The following CCDC166 variants were observed in gnomAD, a reference collection of about 807,000 sequenced individuals.
CCDC166 encodes the protein coiled-coil domain-containing protein 166.
CCDC166 carries 17 observed loss-of-function variants against 14.4 expected under a neutral mutation model. That is an observed-to-expected ratio of 1.18 (90% confidence interval 0.81 to 1.77). The LOEUF (loss-of-function observed/expected upper bound fraction) is 1.77. CCDC166 is among the 40% of genes most tolerant of loss of function. The pLI is 0.00. For missense variants in CCDC166, 738 were observed against 665.8 expected, an observed-to-expected ratio of 1.11 and a Z score of -1.19; for synonymous variants, 336 against 330.1, an observed-to-expected ratio of 1.02 and a Z score of -0.20.
chr8:143,707,196 C>A lies in CCDC166; in HGVS notation c.818G>T (p.Arg273Leu). The A allele has an allele frequency of 1.4e-6, 2 of 1,383,386 alleles. No individual in the cohort carries two copies. The highest frequency in any genetic ancestry group is 5.9e-5 in the East Asian group (2 of 34,032). 85.7% of individuals were successfully genotyped at this position (1,383,386 alleles called of 1,614,324 possible). A position where few individuals can be genotyped will look rare whatever the true frequency, so the allele number is the denominator to read the frequency against. ...GAGCGGCGGGCCTCCGGGGCCCCTG[C>A]GCAGCCAGCCGTGCACACGCGCCAG... ...RDLARVHGWL[R>L]RGPGGPPLWE... is the part of the protein sequence containing the mutation. Residue 273 changes from arginine to leucine, a missense_variant, in exon 2 of 2, where the codon CGC becomes CTC. Transcript: ENST00000542437. The surrounding 1 kb of genome is among the most constrained non-coding windows in gnomAD (Gnocchi z 8.0).
Position 143,707,504 on chromosome 8 carries a change from C to G in CCDC166, c.510G>C (p.Val170=), listed in dbSNP as rs1554616837. The change falls in exon 2 of 2, where the codon GTG becomes GTC. Residue 170 remains valine, a synonymous_variant. Coordinates refer to ENST00000542437, the MANE Select transcript of CCDC166 (RefSeq NM_001162914.1). This position sits in a 1 kb window ranked among gnomAD's most constrained non-coding sequence, Gnocchi z 8.0. ...CGCGGTGGAGCAGCTGCGTGTGCTC[C>G]ACGCGCATATGCAGCAGCTCGCGCT... ...ALERELLHMR[V]EHTQLLHRVK... is the part of the protein sequence containing the mutation. 2 of 1,440,722 alleles carry G rather than the reference C, an allele frequency of 1.4e-6. No individual in the cohort carries two copies. Among genetic ancestry groups the G allele is most frequent in the Admixed American group, 6.1e-5 (2 of 32,616 alleles). 89.2% of individuals were successfully genotyped at this position (1,440,722 alleles called of 1,614,324 possible). A position where few individuals can be genotyped will look rare whatever the true frequency, so the allele number is the denominator to read the frequency against.
At position 143,706,791 on chromosome 8, in the gene CCDC166, C is replaced by G. The variant is rs564768561; in HGVS notation, c.1223G>C (p.Gly408Ala). ...AGCCGGATCCCGATCCCGGGACAGG[C>G]CAGAGAGAAGCTTGGGGCCAGACTT... ...STKSGPKLLS[G>A]LSRDRDPALL... The change falls in exon 2 of 2, where the codon GGC becomes GCC. Residue 408 changes from glycine to alanine, a missense_variant. Coordinates refer to ENST00000542437, the MANE Select transcript of CCDC166 (RefSeq NM_001162914.1). The G allele has an allele frequency of 1.3e-6, 2 of 1,551,080 alleles. No homozygotes were observed. Among genetic ancestry groups the G allele is most frequent in the African/African-American group, 2.7e-5 (2 of 73,176 alleles).
At position 143,706,825 on chromosome 8, in the gene CCDC166, G is replaced by T; in HGVS notation, c.1189C>A (p.Arg397Ser). The T allele has an allele frequency of 6.4e-7, 1 of 1,551,112 alleles. No individual in the cohort carries two copies. Among genetic ancestry groups the T allele is most frequent in the African/African-American group, 1.4e-5 (1 of 73,182 alleles). The change falls in exon 2 of 2, where the codon CGC becomes AGC. Residue 397 changes from arginine to serine, a missense_variant. Transcript: ENST00000542437. ...SPRVSSQDTLRSTKSGPKLLS... is the reference protein window; with the variant it reads ...SPRVSSQDTLSSTKSGPKLLS... ...AGCTTGGGGCCAGACTTCGTGGAGC[G>T]GAGAGTGTCCTGTGAGGACACCCTC...
Position 143,707,528 on chromosome 8 carries a change from CTCCAGCGCCCGGA to C in CCDC166, c.473_485del (p.Ile158SerfsTer18). The C allele has an allele frequency of 2.2e-6, 3 of 1,373,508 alleles. No homozygotes were observed. The highest frequency in any genetic ancestry group is 2.8e-6 in the Non-Finnish European group (3 of 1,067,296). 85.1% of individuals were successfully genotyped at this position (1,373,508 alleles called of 1,614,324 possible). A position where few individuals can be genotyped will look rare whatever the true frequency, so the allele number is the denominator to read the frequency against. On this transcript the variant is annotated frameshift_variant, in exon 2 of 2. Transcript: ENST00000542437. LOFTEE classifies it low-confidence loss of function (END_TRUNC). The surrounding 1 kb of genome is among the most constrained non-coding windows in gnomAD (Gnocchi z 8.0). The stretch of plus-strand genomic sequence containing the variant: ...CCACGCGCATATGCAGCAGCTCGCG[CTCCAGCGCCCGGA>C]TCCGGGCCAGCTGCTCCAGCTGCAG...
At position 143,707,030 on chromosome 8, in the gene CCDC166, C is replaced by A. The variant is rs1554616679; in HGVS notation, c.984G>T (p.Ser328=). The change falls in exon 2 of 2, where the codon TCG becomes TCT. Residue 328 remains serine, a synonymous_variant. Transcript: ENST00000542437. This position sits in a 1 kb window ranked among gnomAD's most constrained non-coding sequence, Gnocchi z 8.0. ...ACGAGGGGACCCGGGAAGCCTCGCG[C>A]GACGGGACCACGGACGAGGCCCGGG... ...AAPRASSVVP[S]REASRVPSLV... is the part of the protein sequence containing the mutation. 2.0e-6 allele frequency: 3 copies of A among 1,535,848 alleles called. No homozygotes were observed. The highest frequency in any genetic ancestry group is 1.2e-5 in the South Asian group (1 of 84,038).
rs377706128 is a variant in CCDC166 at position 143,706,808 on chromosome 8, G to T, written c.1206C>A (p.Gly402=). ...GGGACAGGCCAGAGAGAAGCTTGGG[G>T]CCAGACTTCGTGGAGCGGAGAGTGT... ...SQDTLRSTKS[G]PKLLSGLSRD... The change falls in exon 2 of 2, where the codon GGC becomes GGA. Residue 402 remains glycine (G), a synonymous_variant. Transcript: ENST00000542437. 6.4e-7 allele frequency: 1 copy of T among 1,551,058 alleles called. No homozygotes were observed. Among genetic ancestry groups the T allele is most frequent in the African/African-American group, 1.4e-5 (1 of 73,070 alleles).
Position 143,707,960 on chromosome 8 carries a change from C to T in CCDC166, c.150G>A (p.Glu50=). The change falls in exon 1 of 2, where the codon GAG becomes GAA. Residue 50 remains glutamate, a synonymous_variant. Coordinates refer to ENST00000542437, the MANE Select transcript of CCDC166 (RefSeq NM_001162914.1). This position sits in a 1 kb window ranked among gnomAD's most constrained non-coding sequence, Gnocchi z 8.0. ...TCTCTCGCAGCACCTGGTCAACGCT[C>T]TCCTCGCAGGTGTCCAGCTGCTCCG... ...LLSEQLDTCE[E]SVDQVLRENA... The T allele has an allele frequency of 1.3e-6, 2 of 1,537,036 alleles. No homozygotes were observed. The highest frequency in any genetic ancestry group is 1.7e-6 in the Non-Finnish European group (2 of 1,146,604).
Position 143,707,457 on chromosome 8 carries a change from T to C in CCDC166, c.557A>G (p.Asp186Gly). 6.8e-7 allele frequency: 1 copy of C among 1,476,642 alleles called. No homozygotes were observed. The highest frequency in any genetic ancestry group is 8.9e-7 in the Non-Finnish European group (1 of 1,121,614). The allele number at this position is 1,476,642 out of a possible 1,614,324, so 91.5% of individuals were successfully genotyped here. A position where few individuals can be genotyped will look rare whatever the true frequency, so the allele number is the denominator to read the frequency against. Residue 186 changes from aspartate (D) to glycine (G), a missense_variant, in exon 2 of 2, where the codon GAC becomes GGC. Coordinates refer to ENST00000542437, the MANE Select transcript of CCDC166 (RefSeq NM_001162914.1). The surrounding 1 kb of genome is among the most constrained non-coding windows in gnomAD (Gnocchi z 8.0). ...LHRVKRRFLE[D>G]KAAFEREARQ... is the part of the protein sequence containing the mutation. ...CGCCTCGCGCTCGAAGGCCGCCTTG[T>C]CCTCCAGGAAGCGCCGCTTCACGCG...
Position 143,707,363 on chromosome 8 carries a change from C to T in CCDC166, c.651G>A (p.Thr217=), listed in dbSNP as rs2131557474. The T allele has an allele frequency of 2.1e-6, 3 of 1,405,248 alleles. No homozygotes were observed. Among genetic ancestry groups the T allele is most frequent in the East Asian group, 3.0e-5 (1 of 33,210 alleles). 87.0% of individuals were successfully genotyped at this position (1,405,248 alleles called of 1,614,324 possible). Residue 217 remains threonine, a synonymous_variant, in exon 2 of 2, where the codon ACG becomes ACA. Transcript: ENST00000542437. The surrounding 1 kb of genome is among the most constrained non-coding windows in gnomAD (Gnocchi z 8.0). ...REAVRALVAH[T]QAIKADNGRL... is the part of the protein sequence containing the mutation. ...GTCCGTTGTCCGCTTTGATGGCCTG[C>T]GTGTGCGCCACAAGCGCGCGCACCG... is the stretch of plus-strand genomic sequence containing the variant.
At position 143,708,074 on chromosome 8, in the gene CCDC166, C is replaced by T. The variant is rs1475682813; in HGVS notation, c.36G>A (p.Gly12=). Residue 12 remains glycine, a synonymous_variant, in exon 1 of 2, where the codon GGG becomes GGA. Coordinates refer to ENST00000542437, the MANE Select transcript of CCDC166 (RefSeq NM_001162914.1). The part of the protein sequence containing the change: ...APKKKRGPSA[G]SQPGGAAAAG... ...CGGCCGCCGCACCACCTGGCTGGCTCCCTGCGCTCGGCCCGCGCTTTTTCT... is the reference window on the plus strand; with the variant it reads ...CGGCCGCCGCACCACCTGGCTGGCTTCCTGCGCTCGGCCCGCGCTTTTTCT... 3.4e-6 allele frequency: 5 copies of T among 1,454,990 alleles called. No individual in the cohort carries two copies. The African/African-American group carries it at 4.3e-5, about 12-fold the overall frequency. The allele number at this position is 1,454,990 out of a possible 1,614,324, so 90.1% of individuals were successfully genotyped here. A position where few individuals can be genotyped will look rare whatever the true frequency, so the allele number is the denominator to read the frequency against.
rs1817541665 is a variant in CCDC166 at position 143,706,929 on chromosome 8, G to A, written c.1085C>T (p.Thr362Ile). Reference sequence around the variant, plus strand: ...GGCCCGGGAGCCTGCGCGCGAAGCGGTCAGGGATGGCATCCGGGATCCCAC... The same window carrying A: ...GGCCCGGGAGCCTGCGCGCGAAGCGATCAGGGATGGCATCCGGGATCCCAC... ...SKVGSRMPSL[T>I]ASRAGSRALS... Residue 362 changes from threonine (T) to isoleucine (I), a missense_variant, in exon 2 of 2, where the codon ACC becomes ATC. Physicochemically the swap from Thr to Ile is moderately conservative, Grantham distance 89. Transcript: ENST00000542437. 2.6e-6 allele frequency: 4 copies of A among 1,548,948 alleles called. No individual in the cohort carries two copies. The highest frequency in any genetic ancestry group is 3.5e-6 in the Non-Finnish European group (4 of 1,146,890).
Position 143,707,095 on chromosome 8 carries a change from CCG to C in CCDC166, c.917_918del (p.Ala306GlyfsTer123), listed in dbSNP as rs1181519092. On this transcript the variant is annotated frameshift_variant, in exon 2 of 2. Coordinates refer to ENST00000542437, the MANE Select transcript of CCDC166 (RefSeq NM_001162914.1). LOFTEE classifies it low-confidence loss of function (END_TRUNC). The surrounding 1 kb of genome is among the most constrained non-coding windows in gnomAD (Gnocchi z 8.0). Reference sequence around the variant, plus strand: ...GGTACCACAGACGGGGTCTGGGAGGCCGCGCGCGACGGGCTTATGGGGGCGGC... The same window carrying C: ...GGTACCACAGACGGGGTCTGGGAGGCCGCGCGACGGGCTTATGGGGGCGGC... ...SLAAPISPSR[A>X]ASQTPSVVPS... 5.3e-6 allele frequency: 8 copies of C among 1,520,770 alleles called. No homozygotes were observed. Among genetic ancestry groups the C allele is most frequent in the Non-Finnish European group, 7.0e-6 (8 of 1,140,904 alleles). The allele number at this position is 1,520,770 out of a possible 1,614,324, so 94.2% of individuals were successfully genotyped here.
chr8:143,707,679 A>C lies in CCDC166; in HGVS notation c.431T>G (p.Leu144Arg). Residue 144 changes from leucine to arginine, a missense_variant, in exon 1 of 2, where the codon CTG becomes CGG. Transcript: ENST00000542437. The surrounding 1 kb of genome is among the most constrained non-coding windows in gnomAD (Gnocchi z 8.0). ...AAQMAQQVQE[L>R]QPYKVLQLEQ... ...GGGCTCACTGGCCTTGTAGGGCTGC[A>C]GCTCTTGCACCTGCTGTGCCATCTG... 1 of 1,452,190 alleles carries C rather than the reference A, an allele frequency of 6.9e-7. No homozygotes were observed. Among genetic ancestry groups the C allele is most frequent in the Non-Finnish European group, 9.1e-7 (1 of 1,104,188 alleles). The allele number at this position is 1,452,190 out of a possible 1,614,324, so 90.0% of individuals were successfully genotyped here. A position where few individuals can be genotyped will look rare whatever the true frequency, so the allele number is the denominator to read the frequency against.
Position 143,706,820 on chromosome 8 carries a change from G to A in CCDC166, c.1194C>T (p.Ser398=). 2 of 1,551,136 alleles carry A rather than the reference G, an allele frequency of 1.3e-6. No individual in the cohort carries two copies. The highest frequency in any genetic ancestry group is 1.7e-6 in the Non-Finnish European group (2 of 1,146,972). Residue 398 remains serine (S), a synonymous_variant, in exon 2 of 2, where the codon TCC becomes TCT. Transcript: ENST00000542437. ...PRVSSQDTLR[S]TKSGPKLLSG... is the part of the protein sequence containing the mutation. Reference sequence around the variant, plus strand: ...AGAGAAGCTTGGGGCCAGACTTCGTGGAGCGGAGAGTGTCCTGTGAGGACA... The same window carrying A: ...AGAGAAGCTTGGGGCCAGACTTCGTAGAGCGGAGAGTGTCCTGTGAGGACA...
chr8:143,707,354 G>C lies in CCDC166; in HGVS notation c.660C>G (p.Ile220Met). ...GCCGCAGGCGTCCGTTGTCCGCTTT[G>C]ATGGCCTGCGTGTGCGCCACAAGCG... ...VRALVAHTQA[I>M]KADNGRLRQE... Residue 220 changes from isoleucine to methionine, a missense_variant, in exon 2 of 2, where the codon ATC becomes ATG. Ile to Met is a conservative substitution (Grantham distance 10). Coordinates refer to ENST00000542437, the MANE Select transcript of CCDC166 (RefSeq NM_001162914.1). This position sits in a 1 kb window ranked among gnomAD's most constrained non-coding sequence, Gnocchi z 8.0. 2.8e-6 allele frequency: 4 copies of C among 1,406,016 alleles called. No homozygotes were observed. The highest frequency in any genetic ancestry group is 3.7e-6 in the Non-Finnish European group (4 of 1,085,474). The allele number at this position is 1,406,016 out of a possible 1,614,324, so 87.1% of individuals were successfully genotyped here. A position where few individuals can be genotyped will look rare whatever the true frequency, so the allele number is the denominator to read the frequency against.
chr8:143,708,002 G>T lies in CCDC166; in HGVS notation c.108C>A (p.Arg36=). 2.0e-6 allele frequency: 3 copies of T among 1,526,794 alleles called. No homozygotes were observed. The highest frequency in any genetic ancestry group is 2.6e-6 in the Non-Finnish European group (3 of 1,139,778). 94.6% of individuals were successfully genotyped at this position (1,526,794 alleles called of 1,614,324 possible). The change falls in exon 1 of 2, where the codon CGC becomes CGA. Residue 36 remains arginine (R), a synonymous_variant. Coordinates refer to ENST00000542437, the MANE Select transcript of CCDC166 (RefSeq NM_001162914.1). ...GCTGCTCCGAGAGCAGCGCGTGTTCGCGTTGCAGGTACTGCGCGCGCTCCG... is the reference window on the plus strand; with the variant it reads ...GCTGCTCCGAGAGCAGCGCGTGTTCTCGTTGCAGGTACTGCGCGCGCTCCG... The part of the protein sequence containing the change: ...PLSERAQYLQ[R]EHALLSEQLD...
Position 143,707,066 on chromosome 8 carries a change from C to A in CCDC166, c.948G>T (p.Ser316=). 6.5e-7 allele frequency: 1 copy of A among 1,533,306 alleles called. No individual in the cohort carries two copies. The highest frequency in any genetic ancestry group is 8.7e-7 in the Non-Finnish European group (1 of 1,145,896). The allele number at this position is 1,533,306 out of a possible 1,614,324, so 95.0% of individuals were successfully genotyped here. The part of the protein sequence containing the change: ...AASQTPSVVP[S]RAAPRASSVV... ...CGGACGAGGCCCGGGGGGCCGCGCG[C>A]GACGGTACCACAGACGGGGTCTGGG... is the stretch of plus-strand genomic sequence containing the variant. The change falls in exon 2 of 2, where the codon TCG becomes TCT. Residue 316 remains serine (S), a synonymous_variant. Transcript: ENST00000542437. The surrounding 1 kb of genome is among the most constrained non-coding windows in gnomAD (Gnocchi z 8.0).
rs1817537944 is a variant in CCDC166 at position 143,706,821 on chromosome 8, G to A, written c.1193C>T (p.Ser398Phe). Residue 398 changes from serine to phenylalanine, a missense_variant, in exon 2 of 2, where the codon TCC becomes TTC. Physicochemically the swap from Ser to Phe is radical, Grantham distance 155. Coordinates refer to ENST00000542437, the MANE Select transcript of CCDC166 (RefSeq NM_001162914.1). The stretch of plus-strand genomic sequence containing the variant: ...GAGAAGCTTGGGGCCAGACTTCGTG[G>A]AGCGGAGAGTGTCCTGTGAGGACAC... ...PRVSSQDTLR[S>F]TKSGPKLLSG... The A allele has an allele frequency of 6.4e-7, 1 of 1,551,012 alleles. No individual in the cohort carries two copies. The highest frequency in any genetic ancestry group is 1.2e-5 in the South Asian group (1 of 84,068).
At position 143,707,532 on chromosome 8, in the gene CCDC166, A is replaced by C; in HGVS notation, c.482T>G (p.Leu161Arg). The C allele has an allele frequency of 1.5e-6, 2 of 1,370,626 alleles. No individual in the cohort carries two copies. Among genetic ancestry groups the C allele is most frequent in the Non-Finnish European group, 1.9e-6 (2 of 1,065,680 alleles). 84.9% of individuals were successfully genotyped at this position (1,370,626 alleles called of 1,614,324 possible). A position where few individuals can be genotyped will look rare whatever the true frequency, so the allele number is the denominator to read the frequency against. ...GCGCATATGCAGCAGCTCGCGCTCC[A>C]GCGCCCGGATCCGGGCCAGCTGCTC... The part of the protein sequence containing the change: ...QLEQLARIRA[L>R]ERELLHMRVE... Residue 161 changes from leucine (L) to arginine (R), a missense_variant, in exon 2 of 2, where the codon CTG becomes CGG. Leu to Arg is a moderately radical substitution (Grantham distance 102, BLOSUM62 -2). Coordinates refer to ENST00000542437, the MANE Select transcript of CCDC166 (RefSeq NM_001162914.1). This position sits in a 1 kb window ranked among gnomAD's most constrained non-coding sequence, Gnocchi z 8.0.
Sources: gnomAD v4.1 joint callset for allele counts on GRCh38, gnomAD v4.1.1 for gene constraint, Gnocchi (gnomAD v3.1) non-coding constraint, MANE v1.5 for transcripts, NCBI Gene and HGNC (gene_info 2026-07-23, HGNC 2026-07-21) for gene names.